LRBA: variants seen among roughly 807,000 people sequenced by gnomAD.
The protein encoded by LRBA is LPS responsive beige-like anchor protein.
Under a neutral mutation model 330.0 loss-of-function variants are expected in LRBA, and 176 were observed. The ratio of observed to expected loss-of-function variants is 0.53; its 90% CI spans 0.47 to 0.60. The LOEUF (loss-of-function observed/expected upper bound fraction) is 0.60. Among genes scored for constraint, LRBA ranks in the 20% least tolerant of loss-of-function variants. LRBA has a pLI of 0.00. For missense variants in LRBA, 3,259 were observed against 3,444.8 expected, an observed-to-expected ratio of 0.95 and a Z score of 1.35; for synonymous variants, 1,230 against 1,193.0, an observed-to-expected ratio of 1.03 and a Z score of -0.64.
In LRBA at chr4:150,583,396, C is replaced by G. The variant is rs1425553540; in HGVS notation, c.6330+4652G>C. 1 of 1,613,952 alleles carries G rather than the reference C, an allele frequency of 6.2e-7. No homozygotes were observed. Among genetic ancestry groups the G allele is most frequent in the African/African-American group, 1.3e-5 (1 of 74,946 alleles). On this transcript the variant is annotated intron_variant, in intron 40 of 56. Coordinates refer to ENST00000651943, the MANE Select transcript of LRBA (RefSeq NM_001364905.1). This position sits in a 1 kb window ranked among gnomAD's most constrained non-coding sequence, Gnocchi z 9.8. ...CGAGTTCATCACGGCGTCGGGCTAT[C>G]TCTCAGCGCGTAAGATCCGCTCGCG...
intron 39 of LRBA, among the ~76,000 whole-genome samples, chr4:150,590,173 A>C (rs1297397949): frequency 3.3e-5 from 5 of 152,206 alleles, no homozygotes; most frequent in Admixed American, 3.3e-4. Flanking sequence ...AATTTTTCCC[A>C]TAAGGGATGT....
chr4:150,793,620 T>C (rs1279382759), intron 34 of LRBA, among the ~76,000 whole-genome samples: 1 of 152,078 alleles, frequency 6.6e-6, no homozygotes, highest in Non-Finnish European at 1.5e-5. Flanking sequence ...AAAAACACAG[T>C]GCTTGTCTTC....
At chr4:150,921,601 C>T (rs1733285261) in intron 4 of LRBA, among the ~76,000 whole-genome samples, 2 of 152,064 alleles carry the variant, frequency 1.3e-5, no homozygotes, top group South Asian at 4.2e-4. Flanking sequence ...GAGTCTCACT[C>T]TGCCACCCAG....
chr4:150,362,696 T>A (rs964287478), intron 47 of LRBA, among the ~76,000 whole-genome samples: 5 of 152,180 alleles, frequency 3.3e-5, no homozygotes, highest in Admixed American at 1.3e-4. Context: ...AAGTCCATAC[T>A]ATTTACGAGG....
chr4:150,778,198 ACT>A (rs1737689417), intron 34 of LRBA, among the ~76,000 whole-genome samples: 1 of 152,030 alleles, frequency 6.6e-6, no homozygotes, highest in Admixed American at 6.6e-5. Flanking sequence ...GTCTTTAATC[ACT>A]CTGTGAAATA....
chr4:150,972,703 A>G (rs1166391756), intron 2 of LRBA, among the ~76,000 whole-genome samples: 3 of 152,222 alleles, frequency 2.0e-5, no homozygotes, highest in Non-Finnish European at 2.9e-5. Flanking sequence ...GACTAAAGCA[A>G]TCTTTGTCAG....
At chr4:150,289,960 T>C (rs1228428884) in intron 53 of LRBA, among the ~76,000 whole-genome samples, 1 of 152,196 alleles carries the variant, frequency 6.6e-6, no homozygotes, top group African/African-American at 2.4e-5. Context: ...AGGCTTTACA[T>C]GTGGCTCACA....
chr4:150,714,998 T>G (rs565652568), intron 36 of LRBA, among the ~76,000 whole-genome samples: 1 of 152,136 alleles, frequency 6.6e-6, no homozygotes, highest in African/African-American at 2.4e-5. Context: ...ACCAATGTAT[T>G]TGAATAATAA....
chr4:150,555,246 A>G (rs1449186683), intron 40 of LRBA, among the ~76,000 whole-genome samples: 1 of 152,142 alleles, frequency 6.6e-6, no homozygotes, highest in African/African-American at 2.4e-5. Context: ...CCACACACAT[A>G]TAATACTACA....
chr4:150,680,172 C>T (rs1257979907), intron 37 of LRBA, among the ~76,000 whole-genome samples: 2 of 152,152 alleles, frequency 1.3e-5, no homozygotes, highest in Non-Finnish European at 2.9e-5. Context: ...TCAGTTTTCA[C>T]CTGAGCCTCA....
intron 43 of LRBA, among the ~76,000 whole-genome samples, chr4:150,470,864 CA>C (rs1362854000): frequency 3.1e-5 from 4 of 127,150 alleles, no homozygotes; most frequent in South Asian, 2.7e-4. Flanking sequence ...CACACACACA[CA>C]CACACACACA....
At chr4:151,008,079 CTT>C (rs1038898858) in intron 2 of LRBA, among the ~76,000 whole-genome samples, 2 of 143,346 alleles carry the variant, frequency 1.4e-5, no homozygotes, top group Admixed American at 7.0e-5. Context: ...AAGTTTTTTT[CTT>C]TTTTTTTTTT....
Position 150,487,756 on chromosome 4 carries a change from G to C in LRBA, c.6527C>G (p.Thr2176Arg), listed in dbSNP as rs528350950. The change falls in exon 42 of 57, where the codon ACA (threonine) becomes AGA (arginine). Residue 2176 changes from threonine to arginine, a missense_variant. Thr to Arg is a moderately conservative substitution (Grantham distance 71, BLOSUM62 -1). Coordinates refer to ENST00000651943, the MANE Select transcript of LRBA (RefSeq NM_001364905.1). ...VNYLPRVGVGTSFGLPQTRRI... is the reference protein window; with the variant it reads ...VNYLPRVGVGRSFGLPQTRRI... ...CCTGGTTTGAGGCAATCCAAAACTT[G>C]TTCCAACGCCAACACGAGGTAGATA... is the stretch of plus-strand genomic sequence containing the variant. 9.4e-6 allele frequency: 15 copies of C among 1,598,726 alleles called. No homozygotes were observed. The South Asian group carries it at 1.6e-4, about 17-fold the overall frequency.
chr4:150,599,067 C>G lies in LRBA; in HGVS notation c.5986G>C (p.Val1996Leu). ...EDDLRRRRRF[V>L]RNPLGSTHPE... ...TGTGTCGATCCTAGAGGGTTACGCA[C>G]AAATCGTCGCCGGCGCCGCAAGTCA... Residue 1996 changes from valine (V) to leucine (L), a missense_variant, in exon 38 of 57, where the codon GTG (valine) becomes CTG (leucine). Val to Leu is a conservative substitution (Grantham distance 32). Transcript: ENST00000651943. 1 of 1,614,050 alleles carries G rather than the reference C, an allele frequency of 6.2e-7. No homozygotes were observed. Among genetic ancestry groups the G allele is most frequent in the Non-Finnish European group, 8.5e-7 (1 of 1,179,976 alleles).
At chr4:150,835,642 C>T (rs1747925468) in intron 28 of LRBA, among the ~76,000 whole-genome samples, 1 of 152,086 alleles carries the variant, frequency 6.6e-6, no homozygotes, top group African/African-American at 2.4e-5. Context: ...GATTTTTGCA[C>T]ATTGATTTTG....
intron 20 of LRBA, among the ~76,000 whole-genome samples, chr4:150,869,061 T>C (rs1025346855): frequency 6.6e-6 from 1 of 152,130 alleles, no homozygotes; most frequent in African/African-American, 2.4e-5. Context: ...GCTGGGATTA[T>C]AGGCACCTGC....
At chr4:151,000,271 T>C (rs1743185769) in intron 2 of LRBA, among the ~76,000 whole-genome samples, 1 of 152,212 alleles carries the variant, frequency 6.6e-6, no homozygotes. Context: ...TTTTCAGCTT[T>C]AGATGTAAGT....
intron 15 of LRBA, among the ~76,000 whole-genome samples, chr4:150,897,211 T>C (rs1730185118): frequency 6.6e-6 from 1 of 151,928 alleles, no homozygotes; most frequent in Non-Finnish European, 1.5e-5. Context: ...AGGAAAATAC[T>C]GAAAAAATAT....
chr4:150,589,280 G>A (rs1202720695), intron 39 of LRBA, among the ~76,000 whole-genome samples: 2 of 152,102 alleles, frequency 1.3e-5, no homozygotes, highest in Non-Finnish European at 2.9e-5. Context: ...CATTTCCATC[G>A]ATTGTTAGAA....
Sources: allele counts gnomAD v4.1 joint callset (sites outside exome capture counted in the v4.1 genomes callset), GRCh38; gene constraint gnomAD v4.1.1; non-coding constraint Gnocchi (gnomAD v3.1); transcripts MANE v1.5; gene names NCBI Gene and HGNC (gene_info 2026-07-23, HGNC 2026-07-21).